Variants in PGS1 observed in about 807,000 individuals in gnomAD.
PGS1 encodes CDP-diacylglycerol--glycerol-3-phosphate 3-phosphatidyltransferase, mitochondrial.
PGS1 carries 44 observed loss-of-function variants against 58.3 expected under a neutral mutation model. The ratio of observed to expected loss-of-function variants is 0.75; its 90% confidence interval spans 0.59 to 0.97. The LOEUF is 0.97. Ranked by LOEUF, PGS1 falls within the 50% of genes least tolerant of loss-of-function variation. PGS1 has a pLI of 0.00. For missense variants in PGS1, 684 were observed against 731.1 expected, an observed-to-expected ratio of 0.94 and a Z score of 0.74; for synonymous variants, 330 against 311.0, an observed-to-expected ratio of 1.06 and a Z score of -0.64.
chr17:78,414,973 G>A lies in PGS1; in HGVS notation c.1497G>A (p.Glu499=). The part of the protein sequence containing the change: ...FGYRSVHRDL[E]AQIAIVTENQ... ...ACAGGTCAGTTCACCGGGACCTGGA[G>A]GCCCAGATTGCGATCGTGACGGAGA... The change falls in exon 8 of 10, where the codon GAG becomes GAA. Residue 499 remains glutamate, a synonymous_variant. Transcript: ENST00000262764. 6.2e-7 allele frequency: 1 copy of A among 1,613,756 alleles called. No homozygotes were observed.
At chr17:78,405,909 T>A (rs1248012736) in intron 7 of PGS1, among the ~76,000 whole-genome samples, 1 of 152,180 alleles carries the variant, frequency 6.6e-6, no homozygotes, top group East Asian at 1.9e-4. Flanking sequence ...TGGACTGCAG[T>A]AGGCACACAG....
intron 8 of PGS1, among the ~76,000 whole-genome samples, chr17:78,415,293 C>A (rs938031491): frequency 6.6e-6 from 1 of 152,210 alleles, no homozygotes; most frequent in African/African-American, 2.4e-5. Flanking sequence ...ACCATTTTCT[C>A]CCTGGGACCT....
chr17:78,413,645 C>T (rs1368832180), intron 7 of PGS1, among the ~76,000 whole-genome samples: 16 of 152,234 alleles, frequency 1.1e-4, no homozygotes, highest in Admixed American at 1.0e-3. Context: ...TGGTGAAGGG[C>T]AGCACGGAGA....
chr17:78,385,319 C>T (rs1355504315), intron 1 of PGS1, among the ~76,000 whole-genome samples: 2 of 150,498 alleles, frequency 1.3e-5, no homozygotes, highest in Non-Finnish European at 3.0e-5. Flanking sequence ...GATGGAGTCT[C>T]GTACTTTCGC....
At chr17:78,397,884 C>A (rs1297015453) in intron 3 of PGS1, among the ~76,000 whole-genome samples, 1 of 152,222 alleles carries the variant, frequency 6.6e-6, no homozygotes, top group Non-Finnish European at 1.5e-5. Flanking sequence ...ATTTACTAAG[C>A]ACTCTTTACG....
At chr17:78,407,173 A>T (rs2084226497) in intron 7 of PGS1, among the ~76,000 whole-genome samples, 1 of 146,634 alleles carries the variant, frequency 6.8e-6, no homozygotes, top group African/African-American at 2.6e-5. Context: ...CATGTGGGGG[A>T]TGGGATTGGG....
intron 2 of PGS1, among the ~76,000 whole-genome samples, chr17:78,394,431 C>CCT (rs1288172642): frequency 6.6e-6 from 1 of 152,138 alleles, no homozygotes; most frequent in African/African-American, 2.4e-5. Context: ...TTTGTTCTCC[C>CCT]CTCTCACCTG....
At chr17:78,423,105 GAAAAA>G (rs11449829) in intron 9 of PGS1, among the ~76,000 whole-genome samples, 4 of 137,506 alleles carry the variant, frequency 2.9e-5, no homozygotes, top group Admixed American at 7.1e-5. Context: ...ACTCTCCCTC[GAAAAA>G]AAAAAAAAAT....
chr17:78,387,254 C>A (rs2082465334), intron 1 of PGS1, among the ~76,000 whole-genome samples: 1 of 151,214 alleles, frequency 6.6e-6, no homozygotes, highest in Non-Finnish European at 1.5e-5. Flanking sequence ...TCTGACTGTG[C>A]AGGCCTACCA....
At chr17:78,398,392 C>A in intron 4 of PGS1, 41 bp downstream of exon 4, 1 of 1,323,728 alleles carries the variant, frequency 7.6e-7, no homozygotes, top group Non-Finnish European at 1.1e-6. Context: ...CTTCCTGTGT[C>A]AGATCCTCAG....
In PGS1 at chr17:78,411,902, C is replaced by CTTTTTTT. The variant is rs35472026; in HGVS notation, c.1403-2955_1403-2949dup. 1.9e-4 allele frequency among the ~76,000 whole-genome samples: 11 copies of CTTTTTTT among 58,012 alleles called. 2 individuals carry two copies. Among genetic ancestry groups the CTTTTTTT allele is most frequent in the African/African-American group, 6.8e-4 (9 of 13,158 alleles). 38.1% of individuals were successfully genotyped at this position (58,012 alleles called of 152,430 possible). A position where few individuals can be genotyped will look rare whatever the true frequency, so the allele number is the denominator to read the frequency against. ...ATGAAACAGAACTAAAGGGCTCCTG[C>CTTTTTTT]TTTTTTTTTTTTTTTTTTTTTTTTT... On this transcript the variant is annotated intron_variant, in intron 7 of 9. Coordinates refer to ENST00000262764, the MANE Select transcript of PGS1 (RefSeq NM_024419.5).
intron 7 of PGS1, among the ~76,000 whole-genome samples, chr17:78,409,669 G>A (rs1022890909): frequency 6.6e-6 from 1 of 152,240 alleles, no homozygotes; most frequent in Non-Finnish European, 1.5e-5. Flanking sequence ...TATCCTGTAA[G>A]GATAAGCCTG....
At chr17:78,390,454 G>C (rs1057446640) in intron 1 of PGS1, among the ~76,000 whole-genome samples, 13 of 152,228 alleles carry the variant, frequency 8.5e-5, no homozygotes, top group African/African-American at 2.4e-4. Flanking sequence ...GGCAGTGACA[G>C]ACCGGTGGGC....
intron 9 of PGS1, chr17:78,420,329 C>A: frequency 1.5e-6 from 1 of 664,378 alleles, no homozygotes; most frequent in Non-Finnish European, 1.9e-6. Flanking sequence ...CTGAGGTACC[C>A]CTGGACTGTC....
rs894048604 is a variant in PGS1, at chr17:78,408,355, C to T, written c.1402+4266C>T. 7.9e-5 allele frequency among the ~76,000 whole-genome samples: 12 copies of T among 152,280 alleles called. No individual in the cohort carries two copies. In the East Asian group the frequency reaches 1.2e-3, roughly 15 times the overall value. ...GAAGTCTAGAAGCCTGGTTCTGAGT[C>T]CACATTTACCTGTGGCCACAGCTGA... On this transcript the variant is annotated intron_variant, in intron 7 of 9. Coordinates refer to ENST00000262764, the MANE Select transcript of PGS1 (RefSeq NM_024419.5).
rs767471436 is a variant in PGS1, at chr17:78,414,935, C to G, written c.1459C>G (p.Pro487Ala). The G allele has an allele frequency of 1.2e-5, 19 of 1,614,106 alleles. No individual in the cohort carries two copies. The highest frequency in any genetic ancestry group is 1.7e-4 in the Middle Eastern group (1 of 5,986). Residue 487 changes from proline to alanine, a missense_variant, in exon 8 of 10, where the codon CCT (proline) becomes GCT (alanine). By Grantham distance (27) the Pro-to-Ala change is conservative (BLOSUM62 -1). Transcript: ENST00000262764. The part of the protein sequence containing the change: ...SLPCLTLIGS[P>A]NFGYRSVHRD... ...GCCCTGTCTCACGCTGATTGGCTCTCCTAATTTTGGGTACAGGTCAGTTCA... is the reference window on the plus strand; with the variant it reads ...GCCCTGTCTCACGCTGATTGGCTCTGCTAATTTTGGGTACAGGTCAGTTCA...
In PGS1 at chr17:78,399,540, G is replaced by A. The variant is rs1189165338; in HGVS notation, c.701+3G>A. ...GACAACAGCGTCATCTTGAGCGGGT[G>A]AGTGCTTCCCACCGTCAGTGCTTTT... On this transcript the variant is annotated splice_donor_region_variant and intron_variant, in intron 5 of 9. Coordinates refer to ENST00000262764, the MANE Select transcript of PGS1 (RefSeq NM_024419.5). 3.7e-6 allele frequency: 6 copies of A among 1,613,894 alleles called. No individual in the cohort carries two copies. The highest frequency in any genetic ancestry group is 5.1e-6 in the Non-Finnish European group (6 of 1,179,932).
intron 7 of PGS1, among the ~76,000 whole-genome samples, chr17:78,406,981 C>T (rs2084204907): frequency 6.6e-6 from 1 of 152,234 alleles, no homozygotes; most frequent in South Asian, 2.1e-4. Context: ...GAAACAGAAA[C>T]ACCCAACCTG....
intron 7 of PGS1, among the ~76,000 whole-genome samples, chr17:78,410,564 C>T (rs2084576981): frequency 7.3e-6 from 1 of 136,118 alleles, no homozygotes; most frequent in South Asian, 2.5e-4. Context: ...ACCTCCGCCT[C>T]CTGGGTTTAA....
Sources: allele counts gnomAD v4.1 joint callset (sites outside exome capture counted in the v4.1 genomes callset), GRCh38; gene constraint gnomAD v4.1.1; transcripts MANE v1.5; gene names NCBI Gene and HGNC (gene_info 2026-07-23, HGNC 2026-07-21).